The following CADPS variants were observed in gnomAD, a reference collection of about 807,000 sequenced individuals.
CADPS encodes calcium dependent secretion activator, also known as calcium-dependent secretion activator 1.
In CADPS, 57 loss-of-function variants were observed where a neutral mutation model predicts 167.3. That is an observed-to-expected ratio of 0.34 (90% CI 0.28 to 0.42). The LOEUF is 0.42. Ranked by LOEUF, CADPS falls within the 20% of genes least tolerant of loss-of-function variation. The pLI is 1.00. For synonymous variants in CADPS, 676 were observed against 635.3 expected (o/e 1.06, Z -0.96); for missense variants, 1,414 against 1,738.1 (o/e 0.81, Z 3.32).
intron 1 of CADPS, among the ~76,000 whole-genome samples, chr3:62,832,365 G>C (rs997804054): frequency 2.6e-5 from 4 of 152,222 alleles, no homozygotes; most frequent in Non-Finnish European, 5.9e-5. Flanking sequence ...GGAATAGAGA[G>C]CTTAAAGGGC....
At chr3:62,526,318 T>C (rs1043101698) in intron 13 of CADPS, among the ~76,000 whole-genome samples, 1 of 152,196 alleles carries the variant, frequency 6.6e-6, no homozygotes, top group Non-Finnish European at 1.5e-5. Flanking sequence ...TCTATGCAGC[T>C]TACTTTGGAT....
chr3:62,677,237 C>G (rs1416941756), intron 3 of CADPS, among the ~76,000 whole-genome samples: 1 of 152,016 alleles, frequency 6.6e-6, no homozygotes, highest in African/African-American at 2.4e-5. Context: ...GGTCAAGTCT[C>G]CCCCAACCAG....
At chr3:62,778,060 G>A (rs1332956915) in intron 1 of CADPS, among the ~76,000 whole-genome samples, 1 of 152,106 alleles carries the variant, frequency 6.6e-6, no homozygotes, top group Non-Finnish European at 1.5e-5. Context: ...TAATTTAAAG[G>A]CATCAGTGAT....
At chr3:62,600,272 G>A (rs1050252430) in intron 6 of CADPS, among the ~76,000 whole-genome samples, 1 of 151,794 alleles carries the variant, frequency 6.6e-6, no homozygotes, top group African/African-American at 2.4e-5. Flanking sequence ...CATGAAGGCT[G>A]AGGAATGGCT....
intron 6 of CADPS, among the ~76,000 whole-genome samples, chr3:62,599,849 TATAATA>T (rs2059659455): frequency 1.1e-4 from 1 of 9,054 alleles, no homozygotes; most frequent in Non-Finnish European, 2.3e-4. Flanking sequence ...ATTATATATA[TATAATA>T]TATATAATAT....
Position 62,639,892 on chromosome 3 carries a change from C to T in CADPS, c.1325+5830G>A, listed in dbSNP as rs542345022. Among the ~76,000 whole-genome samples the T allele has an allele frequency of 3.3e-5, 5 of 152,246 alleles. No individual in the cohort carries two copies. In the South Asian group the frequency reaches 1.0e-3, roughly 32 times the overall value. On this transcript the variant is annotated intron_variant, in intron 6 of 29. Transcript: ENST00000383710. Reference sequence around the variant, plus strand: ...CATCAAGCCCCTCCCTACCTCAAAGCCTTGCACTTGCTGTTTCCTCTTCCC... The same window carrying T: ...CATCAAGCCCCTCCCTACCTCAAAGTCTTGCACTTGCTGTTTCCTCTTCCC...
chr3:62,450,761 A>G (rs1472058830), intron 26 of CADPS, among the ~76,000 whole-genome samples: 1 of 152,206 alleles, frequency 6.6e-6, no homozygotes, highest in Admixed American at 6.5e-5. Flanking sequence ...AAGAACATTT[A>G]CTATGTACAG....
intron 17 of CADPS, chr3:62,499,516 G>A: frequency 3.2e-6 from 1 of 312,370 alleles, no homozygotes; most frequent in Non-Finnish European, 6.1e-6. Context: ...GCTATATTAA[G>A]TCTATGACAG....
At chr3:62,844,440 T>C (rs581043) in intron 1 of CADPS, among the ~76,000 whole-genome samples, 100,680 of 151,958 alleles carry the variant, frequency 0.66, 33,497 homozygotes, top group Non-Finnish European at 0.71. Context: ...CATTTTTTCA[T>C]GATCAACTCA....
At chr3:62,708,475 G>C (rs900095814) in intron 3 of CADPS, among the ~76,000 whole-genome samples, 4 of 151,992 alleles carry the variant, frequency 2.6e-5, no homozygotes, top group South Asian at 2.1e-4. Flanking sequence ...GATGAGAAAA[G>C]TGAAACACCA....
intron 3 of CADPS, among the ~76,000 whole-genome samples, chr3:62,667,730 G>C (rs1352708956): frequency 2.0e-5 from 3 of 151,946 alleles, no homozygotes; most frequent in Admixed American, 1.3e-4. Flanking sequence ...CACATTCTGG[G>C]ATGTGCTCAC....
chr3:62,555,781 C>T (rs1418518109), intron 10 of CADPS, among the ~76,000 whole-genome samples: 1 of 152,112 alleles, frequency 6.6e-6, no homozygotes, highest in East Asian at 1.9e-4. Flanking sequence ...ATTTCTGTCA[C>T]CCAGGATGGA....
At chr3:62,530,641 C>T (rs2073432496) in intron 13 of CADPS, 2 of 1,281,368 alleles carry the variant, frequency 1.6e-6, no homozygotes, top group Non-Finnish European at 2.0e-6. Context: ...CCAATACACA[C>T]ATAACTTCTT....
At chr3:62,856,256 T>A (rs1293964203) in intron 1 of CADPS, among the ~76,000 whole-genome samples, 1 of 152,146 alleles carries the variant, frequency 6.6e-6, no homozygotes, top group Non-Finnish European at 1.5e-5. Flanking sequence ...AACTAGTAAA[T>A]GTTACAATTT....
At chr3:62,526,575 AG>A (rs1467746575) in intron 13 of CADPS, among the ~76,000 whole-genome samples, 1 of 152,198 alleles carries the variant, frequency 6.6e-6, no homozygotes, top group Non-Finnish European at 1.5e-5. Context: ...TCATCTAGAA[AG>A]AATACTAAAA....
At chr3:62,628,798 C>T (rs1255688129) in intron 6 of CADPS, among the ~76,000 whole-genome samples, 2 of 151,820 alleles carry the variant, frequency 1.3e-5, no homozygotes, top group African/African-American at 2.4e-5. Context: ...GGCCAATTTT[C>T]GTATTTTTAG....
chr3:62,516,688 T>C (rs1577093240), intron 14 of CADPS, 45 bp from the exon 15 acceptor site: 1 of 1,358,682 alleles, frequency 7.4e-7, no homozygotes, highest in Non-Finnish European at 1.0e-6. Context: ...TATTACATTT[T>C]AGCATGAAAT....
At chr3:62,526,965 T>A (rs1418282986) in intron 13 of CADPS, among the ~76,000 whole-genome samples, 1 of 152,176 alleles carries the variant, frequency 6.6e-6, no homozygotes, top group Non-Finnish European at 1.5e-5. Flanking sequence ...TAAATATGTA[T>A]GATCTAAAGA....
At chr3:62,778,153 G>A (rs2090762849) in intron 1 of CADPS, among the ~76,000 whole-genome samples, 1 of 152,204 alleles carries the variant, frequency 6.6e-6, no homozygotes, top group Non-Finnish European at 1.5e-5. Flanking sequence ...TCCTCAGGTT[G>A]AGTGACGCCA....
Sources: gnomAD v4.1 joint callset for allele counts (sites outside exome capture counted in the v4.1 genomes callset) on GRCh38, gnomAD v4.1.1 for gene constraint, MANE v1.5 for transcripts, NCBI Gene and HGNC (gene_info 2026-07-23, HGNC 2026-07-21) for gene names.